Variants in TRAPPC9 observed in about 807,000 individuals in gnomAD.
TRAPPC9 encodes the protein trafficking protein particle complex subunit 9, also known as IKK2 binding protein.
A neutral mutation model predicts 124.0 loss-of-function variants in TRAPPC9; 83 were observed. That is an observed-to-expected ratio of 0.67 (90% CI 0.56 to 0.80). The LOEUF (loss-of-function observed/expected upper bound fraction) is 0.80, where lower values mean the gene tolerates loss of function less well. Ranked by LOEUF, TRAPPC9 falls within the 30% of genes least tolerant of loss-of-function variation. TRAPPC9 has a pLI of 0.00. For missense variants in TRAPPC9, 1,302 were observed against 1,508.3 expected, an observed-to-expected ratio of 0.86 and a Z score of 2.27; for synonymous variants, 638 against 617.5, an observed-to-expected ratio of 1.03 and a Z score of -0.49.
rs554747757 is a variant in TRAPPC9 at position 139,762,508 on chromosome 8, C to T, written c.3056-30306G>A. Among the ~76,000 whole-genome samples, 8 of 152,258 alleles carry T rather than the reference C, an allele frequency of 5.3e-5. No individual in the cohort carries two copies. In the South Asian group the frequency reaches 1.7e-3, roughly 32 times the overall value. ...ATTGCTTCTAGGCTATAAACCTGTA[C>T]AGCGTGTGACTGTACTGAACGCTGT... On this transcript the variant is annotated intron_variant, in intron 21 of 22. Coordinates refer to ENST00000438773, the MANE Select transcript of TRAPPC9 (RefSeq NM_001160372.4).
rs141771160 is a variant in TRAPPC9 at position 139,948,248 on chromosome 8, A to AACACAC, written c.2811-37954_2811-37949dup. Among the ~76,000 whole-genome samples the AACACAC allele has an allele frequency of 2.0e-3, 286 of 144,718 alleles. 1 individual carries two copies. The highest frequency in any genetic ancestry group is 6.9e-3 in the Middle Eastern group (2 of 290). The allele number at this position is 144,718 out of a possible 152,430, so 94.9% of individuals were successfully genotyped here. A position where few individuals can be genotyped will look rare whatever the true frequency, so the allele number is the denominator to read the frequency against. ...CTGAGTGGGGGAAGATGGTTCATAA[A>AACACAC]ACACACACACACACACACACACACA... On this transcript the variant is annotated intron_variant, in intron 19 of 22. Transcript: ENST00000438773.
At position 139,732,216 on chromosome 8, in the gene TRAPPC9, G is replaced by C. The variant is rs748174342; in HGVS notation, c.3056-14C>G. 6.4e-7 allele frequency: 1 copy of C among 1,567,096 alleles called. No homozygotes were observed. Among genetic ancestry groups the C allele is most frequent in the Non-Finnish European group, 8.6e-7 (1 of 1,163,364 alleles). On this transcript the variant is annotated splice_polypyrimidine_tract_variant and intron_variant, in intron 21 of 22. Coordinates refer to ENST00000438773, the MANE Select transcript of TRAPPC9 (RefSeq NM_001160372.4). ...CCACCAGCACATCTGTAAGGGACAC[G>C]AGACTGTCGGGGGCTGGGCTGGCCT...
rs188605216 is a variant in TRAPPC9, at chr8:140,174,452, A to G, written c.2556+47007T>C. ...ATTCACCCTTTGGAAACGGTATACA[A>G]CTCAGTGACTTTTAGTATATTCACA... On this transcript the variant is annotated intron_variant, in intron 17 of 22. Coordinates refer to ENST00000438773, the MANE Select transcript of TRAPPC9 (RefSeq NM_001160372.4). Among the ~76,000 whole-genome samples, 142 of 152,326 alleles carry G rather than the reference A, an allele frequency of 9.3e-4. 3 individuals carry two copies. The Middle Eastern group carries it at 0.034, about 36-fold the overall frequency.
chr8:140,266,017 T>C (rs1023068814), intron 15 of TRAPPC9, among the ~76,000 whole-genome samples: 1 of 152,242 alleles, frequency 6.6e-6, no homozygotes, highest in Non-Finnish European at 1.5e-5. Flanking sequence ...ATGTTTCTAT[T>C]TGTATCACAC....
chr8:140,184,505 G>A (rs1412815269), intron 17 of TRAPPC9, among the ~76,000 whole-genome samples: 3 of 151,844 alleles, frequency 2.0e-5, no homozygotes, highest in African/African-American at 7.3e-5. Context: ...CCACAACCTC[G>A]GCTCACTGCA....
chr8:139,930,640 G>A (rs547700954), intron 19 of TRAPPC9, among the ~76,000 whole-genome samples: 20 of 152,346 alleles, frequency 1.3e-4, no homozygotes, highest in African/African-American at 4.8e-4. Context: ...ACAATAAGGA[G>A]CATCCCCCGT....
intron 9 of TRAPPC9, among the ~76,000 whole-genome samples, chr8:140,350,656 G>A (rs1444121372): frequency 6.6e-6 from 1 of 152,128 alleles, no homozygotes; most frequent in Non-Finnish European, 1.5e-5. Flanking sequence ...CGGCACTGGA[G>A]GTGAGCCCTC....
chr8:139,868,487 G>A (rs76936981), intron 21 of TRAPPC9, among the ~76,000 whole-genome samples: 21 of 152,270 alleles, frequency 1.4e-4, no homozygotes, highest in African/African-American at 3.9e-4. Flanking sequence ...AGTGGAATAC[G>A]TGGTTGGAAG....
intron 21 of TRAPPC9, among the ~76,000 whole-genome samples, chr8:139,805,407 G>T (rs912657455): frequency 7.9e-5 from 12 of 152,238 alleles, no homozygotes; most frequent in African/African-American, 2.9e-4. Context: ...CGGCAGGTGG[G>T]GACCTGCAGA....
At chr8:140,075,503 C>T (rs1563741502) in intron 17 of TRAPPC9, among the ~76,000 whole-genome samples, 1 of 152,218 alleles carries the variant, frequency 6.6e-6, no homozygotes, top group Non-Finnish European at 1.5e-5. Flanking sequence ...GATGCAAAGG[C>T]ACTTATTCCT....
intron 21 of TRAPPC9, among the ~76,000 whole-genome samples, chr8:139,749,752 G>A (rs897698660): frequency 6.6e-6 from 1 of 152,218 alleles, no homozygotes. Flanking sequence ...CCATCTGCTT[G>A]AACCGCCAGA....
chr8:139,999,471 CAATT>C (rs1394127426), intron 18 of TRAPPC9, among the ~76,000 whole-genome samples: 1 of 151,980 alleles, frequency 6.6e-6, no homozygotes, highest in Non-Finnish European at 1.5e-5. Context: ...AACCAAATCA[CAATT>C]AGAGACTTCA....
intron 2 of TRAPPC9, among the ~76,000 whole-genome samples, chr8:140,448,002 G>A (rs2071328253): frequency 6.6e-6 from 1 of 152,014 alleles, no homozygotes; most frequent in Admixed American, 6.6e-5. Flanking sequence ...AAAATTAGCT[G>A]AGTGTGGTGG....
intron 6 of TRAPPC9, chr8:140,405,342 C>G (rs2069452462): frequency 4.7e-6 from 2 of 424,078 alleles, no homozygotes; most frequent in East Asian, 4.6e-5. Context: ...TGTGAGTACG[C>G]AGGCCATGAG....
chr8:140,352,002 T>C (rs1347977388), intron 9 of TRAPPC9, among the ~76,000 whole-genome samples: 1 of 152,152 alleles, frequency 6.6e-6, no homozygotes, highest in Non-Finnish European at 1.5e-5. Context: ...CTCAACCCCA[T>C]ACCCTTTAGC....
At position 139,772,258 on chromosome 8, in the gene TRAPPC9, C is replaced by T. The variant is rs902090467; in HGVS notation, c.3056-40056G>A. ...GTCTGTGCCTGTGGCCCTACAGGCCCGTGCAGGGCAGAGGGAGAGGCCCAG... is the reference window on the plus strand; with the variant it reads ...GTCTGTGCCTGTGGCCCTACAGGCCTGTGCAGGGCAGAGGGAGAGGCCCAG... On this transcript the variant is annotated intron_variant, in intron 21 of 22. Transcript: ENST00000438773. 3.3e-5 allele frequency among the ~76,000 whole-genome samples: 5 copies of T among 152,358 alleles called. 1 individual carries two copies. Among genetic ancestry groups the T allele is most frequent in the African/African-American group, 7.2e-5 (3 of 41,584 alleles).
chr8:140,329,993 C>G (rs1169747359), intron 9 of TRAPPC9, among the ~76,000 whole-genome samples: 1 of 152,098 alleles, frequency 6.6e-6, no homozygotes, highest in Non-Finnish European at 1.5e-5. Context: ...GCAGGAGAAT[C>G]ACTTGAACCT....
At chr8:140,155,545 C>T (rs1447440752) in intron 17 of TRAPPC9, among the ~76,000 whole-genome samples, 1 of 152,190 alleles carries the variant, frequency 6.6e-6, no homozygotes, top group Non-Finnish European at 1.5e-5. Flanking sequence ...GAGGGGAGCT[C>T]GCAGATGATC....
chr8:139,910,356 G>T, intron 19 of TRAPPC9, 56 bp from the exon 20 acceptor site: 2 of 1,583,294 alleles, frequency 1.3e-6, no homozygotes, highest in Non-Finnish European at 1.7e-6. Context: ...ATTTCTGCCG[G>T]CTGTTGGAGA....
Sources: gnomAD v4.1 joint callset for allele counts (sites outside exome capture counted in the v4.1 genomes callset) on GRCh38, gnomAD v4.1.1 for gene constraint, MANE v1.5 for transcripts, NCBI Gene and HGNC (gene_info 2026-07-23, HGNC 2026-07-21) for gene names.